The following DISP1 variants were observed in gnomAD, a reference collection of about 807,000 sequenced individuals.
DISP1 encodes dispatched RND transporter family member 1.
Under a neutral mutation model 37.3 loss-of-function variants are expected in DISP1, and 30 were observed. The ratio of observed to expected loss-of-function variants is 0.80; its 90% CI spans 0.60 to 1.09. The LOEUF (loss-of-function observed/expected upper bound fraction) is 1.09, where lower values mean the gene tolerates loss of function less well. Ranked by LOEUF, DISP1 falls within the 50% of genes least tolerant of loss-of-function variation. DISP1 has a pLI of 0.00. For synonymous variants in DISP1, 634 were observed against 690.2 expected (o/e 0.92, Z 1.28); for missense variants, 1,598 against 1,879.5 (o/e 0.85, Z 2.77).
chr1:222,995,167 C>T (rs906997499), intron 8 of DISP1, among the ~76,000 whole-genome samples, 185 bp downstream of exon 8: 7 of 152,166 alleles, frequency 4.6e-5, no homozygotes, highest in Admixed American at 4.6e-4. Flanking sequence ...TCCGTGTTTC[C>T]TTCAACTTTA....
intron 8 of DISP1, among the ~76,000 whole-genome samples, chr1:223,001,358 T>G (rs1459790757): frequency 6.6e-6 from 1 of 152,242 alleles, no homozygotes; most frequent in Non-Finnish European, 1.5e-5. Context: ...GCATTTATTT[T>G]ATTGTATATA....
intron 1 of DISP1, among the ~76,000 whole-genome samples, chr1:222,909,528 A>G (rs1345423724): frequency 1.3e-5 from 2 of 152,228 alleles, no homozygotes; most frequent in Non-Finnish European, 2.9e-5. Flanking sequence ...ATCAGCATTT[A>G]TCAACTCTTC....
intron 4 of DISP1, among the ~76,000 whole-genome samples, chr1:222,986,524 ACTT>A (rs1033535079): frequency 2.0e-5 from 3 of 152,286 alleles, no homozygotes; most frequent in Admixed American, 2.0e-4. Flanking sequence ...TGTTTGAGGG[ACTT>A]CCACTGAGTA....
At chr1:222,889,261 TA>T (rs1670813033) in intron 1 of DISP1, among the ~76,000 whole-genome samples, 2 of 152,132 alleles carry the variant, frequency 1.3e-5, no homozygotes, top group Admixed American at 1.3e-4. Flanking sequence ...AGGCTAGTAT[TA>T]AATAAATTGA....
At chr1:222,817,795 A>G (rs1290286395) in intron 1 of DISP1, among the ~76,000 whole-genome samples, 1 of 152,228 alleles carries the variant, frequency 6.6e-6, no homozygotes, top group Non-Finnish European at 1.5e-5. Flanking sequence ...CAGTCCTGTT[A>G]GTAGGGCCCT....
At position 222,935,074 on chromosome 1, in the gene DISP1, T is replaced by G. The variant is rs546423685; in HGVS notation, c.-18+6504T>G. The stretch of plus-strand genomic sequence containing the variant: ...CCCCACCTAGTTTGTGGTTTTCTCT[T>G]GCTACGCAAAATGTGTTCTAGGTAT... On this transcript the variant is annotated intron_variant, in intron 2 of 8. Coordinates refer to ENST00000675850, the MANE Select transcript of DISP1 (RefSeq NM_001377229.1). 2.7e-4 allele frequency among the ~76,000 whole-genome samples: 41 copies of G among 152,336 alleles called. No individual in the cohort carries two copies. In the South Asian group the frequency reaches 5.6e-3, roughly 21 times the overall value.
chr1:222,994,993 T>C lies in DISP1; in HGVS notation c.987+11T>C. On this transcript the variant is annotated intron_variant, in intron 8 of 8. Coordinates refer to ENST00000675850, the MANE Select transcript of DISP1 (RefSeq NM_001377229.1). ...GTAGATAATTCCAGGGTATGTAAGA[T>C]AAAAACTAAAATCTCCTTAGCACAA... 6.3e-7 allele frequency: 1 copy of C among 1,588,194 alleles called. No individual in the cohort carries two copies. The highest frequency in any genetic ancestry group is 8.6e-7 in the Non-Finnish European group (1 of 1,157,072).
At chr1:222,970,829 T>A (rs916800656) in intron 3 of DISP1, among the ~76,000 whole-genome samples, 6 of 152,110 alleles carry the variant, frequency 3.9e-5, no homozygotes, top group African/African-American at 1.4e-4. Context: ...GCATGTATAA[T>A]AGATTCTGGA....
chr1:222,929,936 T>C (rs1175626008), intron 2 of DISP1, among the ~76,000 whole-genome samples: 1 of 152,172 alleles, frequency 6.6e-6, no homozygotes, highest in Non-Finnish European at 1.5e-5. Context: ...ACCTCAGTTT[T>C]AGACTTGTGA....
At chr1:222,987,972 A>C (rs1678395960) in intron 4 of DISP1, among the ~76,000 whole-genome samples, 1 of 152,208 alleles carries the variant, frequency 6.6e-6, no homozygotes, top group African/African-American at 2.4e-5. Context: ...CTTTCATCTT[A>C]GTTTGCATTT....
At chr1:222,936,835 A>ATATATATCATATATGATATATAATT (rs1673863297) in intron 2 of DISP1, among the ~76,000 whole-genome samples, 1 of 38,946 alleles carries the variant, frequency 2.6e-5, no homozygotes, top group African/African-American at 1.0e-4. Flanking sequence ...TATATAAATT[A>ATATATATCATATATGATATATAATT]TATATATCAT....
At chr1:222,845,467 G>A (rs758268078) in intron 1 of DISP1, among the ~76,000 whole-genome samples, 4 of 152,076 alleles carry the variant, frequency 2.6e-5, no homozygotes, top group Admixed American at 1.3e-4. Flanking sequence ...TTTTGACTTA[G>A]GTACTTTTTC....
intron 1 of DISP1, among the ~76,000 whole-genome samples, chr1:222,908,022 G>A (rs1672002276): frequency 6.6e-6 from 1 of 152,162 alleles, no homozygotes; most frequent in Non-Finnish European, 1.5e-5. Flanking sequence ...ATCATTGGAT[G>A]TACAGAGTTT....
chr1:222,960,845 C>A (rs1347173019), intron 3 of DISP1, among the ~76,000 whole-genome samples: 2 of 152,068 alleles, frequency 1.3e-5, no homozygotes, highest in African/African-American at 4.8e-5. Context: ...CACCTCTACA[C>A]AAATAAACTA....
intron 1 of DISP1, among the ~76,000 whole-genome samples, chr1:222,834,674 T>C (rs1342136969): frequency 1.3e-5 from 2 of 152,194 alleles, no homozygotes; most frequent in East Asian, 3.8e-4. Flanking sequence ...TGATAGATGA[T>C]AGATAAGATT....
intron 1 of DISP1, among the ~76,000 whole-genome samples, chr1:222,872,066 T>C (rs1011929256): frequency 3.9e-5 from 6 of 152,152 alleles, no homozygotes; most frequent in African/African-American, 1.4e-4. Context: ...TTGTCTTTGG[T>C]TCTGTTTATA....
In DISP1 at chr1:223,005,092, A is replaced by G; in HGVS notation, c.3695A>G (p.His1232Arg). ...SQAKNLGMPVHAAYNSELSKS... is the reference protein window; with the variant it reads ...SQAKNLGMPVRAAYNSELSKS... ...GCAAAGAATTTAGGGATGCCTGTGC[A>G]TGCAGCTTACAACAGTGAACTCAGC... Residue 1232 changes from histidine to arginine, a missense_variant, in exon 9 of 9, where the codon CAT becomes CGT. Physicochemically the swap from His to Arg is conservative, Grantham distance 29. Coordinates refer to ENST00000675850, the MANE Select transcript of DISP1 (RefSeq NM_001377229.1). 1 of 1,614,238 alleles carries G rather than the reference A, an allele frequency of 6.2e-7. No homozygotes were observed. Among genetic ancestry groups the G allele is most frequent in the Non-Finnish European group, 8.5e-7 (1 of 1,180,042 alleles).
rs1281241482 is a variant in DISP1 at position 222,895,704 on chromosome 1, G to C, written c.-158-32726G>C. ...GCAAAGGTGCCAAGGTAATTCAATG[G>C]AGAAGGATCAGTCTTTTCCACATAT... is the stretch of plus-strand genomic sequence containing the variant. On this transcript the variant is annotated intron_variant, in intron 1 of 8. Transcript: ENST00000675850. 2.0e-5 allele frequency among the ~76,000 whole-genome samples: 3 copies of C among 152,172 alleles called. No homozygotes were observed. In the East Asian group the frequency reaches 5.8e-4, roughly 29 times the overall value.
rs182368899 is a variant in DISP1 at position 222,980,302 on chromosome 1, C to G, written c.510-2778C>G. ...AACTAATGGTTCCTGCAGCATTGAA[C>G]AGAGAGCCTATACTGTAGGATACAG... On this transcript the variant is annotated intron_variant, in intron 3 of 8. Transcript: ENST00000675850. Among the ~76,000 whole-genome samples the G allele has an allele frequency of 6.6e-3, 1,010 of 152,108 alleles. 1 individual carries two copies. Among genetic ancestry groups the G allele is most frequent in the Non-Finnish European group, 0.011 (743 of 68,008 alleles).
Sources: allele counts gnomAD v4.1 joint callset (sites outside exome capture counted in the v4.1 genomes callset), GRCh38; gene constraint gnomAD v4.1.1; transcripts MANE v1.5; gene names NCBI Gene and HGNC (gene_info 2026-07-23, HGNC 2026-07-21).